Variants in SCARF1 observed in about 807,000 individuals in gnomAD.
The protein encoded by SCARF1 is acetyl LDL receptor.
In SCARF1, 49 loss-of-function variants were observed where a neutral mutation model predicts 76.3. The ratio of observed to expected loss-of-function variants is 0.64; its 90% CI spans 0.51 to 0.81. The LOEUF (loss-of-function observed/expected upper bound fraction) is 0.81. Among genes scored for constraint, SCARF1 ranks in the 40% least tolerant of loss-of-function variants. SCARF1 has a pLI of 0.00. For synonymous variants in SCARF1, 495 were observed against 474.6 expected (o/e 1.04, Z -0.56); for missense variants, 1,098 against 1,143.9 (o/e 0.96, Z 0.58).
intron 4 of SCARF1, among the ~76,000 whole-genome samples, chr17:1,643,050 G>C (rs1242879717): frequency 1.3e-5 from 2 of 152,056 alleles, no homozygotes; most frequent in African/African-American, 2.4e-5. Flanking sequence ...TTTGAGAGGA[G>C]CACCGCGAAG....
At chr17:1,639,600 T>C (rs1206542417) in intron 7 of SCARF1, 39 bp downstream of exon 7, 1 of 1,467,516 alleles carries the variant, frequency 6.8e-7, no homozygotes, top group African/African-American at 1.4e-5. Context: ...GGCCCGCCTT[T>C]CCCTGGCTAC....
rs1312246683 is a variant in SCARF1, at chr17:1,640,952, C to T, written c.792-286G>A. Among the ~76,000 whole-genome samples, 1 of 152,180 alleles carries T rather than the reference C, an allele frequency of 6.6e-6. No individual in the cohort carries two copies. The highest frequency in any genetic ancestry group is 1.5e-5 in the Non-Finnish European group (1 of 68,040). ...CAGCCCAGCCAGGGCAGGCGAGTCACCACCAAGCTCTGAGTCCCATTTGCG... is the reference window on the plus strand; with the variant it reads ...CAGCCCAGCCAGGGCAGGCGAGTCATCACCAAGCTCTGAGTCCCATTTGCG... On this transcript the variant is annotated intron_variant, in intron 4 of 10. Transcript: ENST00000263071. This position sits in a 1 kb window ranked among gnomAD's most constrained non-coding sequence, Gnocchi z 4.7.
intron 8 of SCARF1, 103 bp from the exon 9 acceptor site, chr17:1,637,165 TCAGTGGCTC>T: frequency 1.6e-6 from 2 of 1,223,054 alleles, no homozygotes; most frequent in Non-Finnish European, 2.3e-6. Flanking sequence ...TTCAGTGGCT[TCAGTGGCTC>T]TCTATTGACT....
chr17:1,644,816 C>A lies in SCARF1; in HGVS notation c.265+18G>T. ...ACCCAGCTCTGCCCAGCAACTTCATCTGGCCCTTGAGACTCACGGGAGCTG... is the reference window on the plus strand; with the variant it reads ...ACCCAGCTCTGCCCAGCAACTTCATATGGCCCTTGAGACTCACGGGAGCTG... On this transcript the variant is annotated intron_variant, in intron 3 of 10. Transcript: ENST00000263071. This position sits in a 1 kb window ranked among gnomAD's most constrained non-coding sequence, Gnocchi z 4.8. 3 of 1,606,980 alleles carry A rather than the reference C, an allele frequency of 1.9e-6. No homozygotes were observed. Among genetic ancestry groups the A allele is most frequent in the South Asian group, 1.1e-5 (1 of 90,086 alleles).
At position 1,635,314 on chromosome 17, in the gene SCARF1, G is replaced by C; in HGVS notation, c.1937C>G (p.Ser646Cys). The C allele has an allele frequency of 1.2e-6, 2 of 1,612,500 alleles. No homozygotes were observed. The highest frequency in any genetic ancestry group is 1.7e-6 in the Non-Finnish European group (2 of 1,179,390). ...CCCGGGACTGGCAGCCGCCGGAAAGGACTCGGGGGCTTCTGCTTCCTCTGG... is the reference window on the plus strand; with the variant it reads ...CCCGGGACTGGCAGCCGCCGGAAAGCACTCGGGGGCTTCTGCTTCCTCTGG... Reference protein sequence around the residue: ...TGPEEAEAPESFPAAASPGDS... With the variant: ...TGPEEAEAPECFPAAASPGDS... Residue 646 changes from serine (S) to cysteine (C), a missense_variant, in exon 11 of 11, where the codon TCC becomes TGC. Ser to Cys is a moderately radical substitution (Grantham distance 112). Coordinates refer to ENST00000263071, the MANE Select transcript of SCARF1 (RefSeq NM_003693.4).
rs367657383 is a variant in SCARF1 at position 1,645,587 on chromosome 17, C to G, written c.101+10G>C. On this transcript the variant is annotated intron_variant, in intron 1 of 10. Coordinates refer to ENST00000263071, the MANE Select transcript of SCARF1 (RefSeq NM_003693.4). This position sits in a 1 kb window ranked among gnomAD's most constrained non-coding sequence, Gnocchi z 6.3. The stretch of plus-strand genomic sequence containing the variant: ...GCTGGCCACACGCATCAGACTCCCA[C>G]GAGACCCACCTGCTGGCCACACAGA... 2.5e-6 allele frequency: 4 copies of G among 1,601,842 alleles called. No homozygotes were observed. Among genetic ancestry groups the G allele is most frequent in the Non-Finnish European group, 3.4e-6 (4 of 1,177,396 alleles).
chr17:1,644,710 G>A lies in SCARF1; in HGVS notation c.265+124C>T. ...TGTCTCTGGACCGCAATTCCTCAGTGAAGCTGGGGGGGATTCTGGCCCTGC... is the reference window on the plus strand; with the variant it reads ...TGTCTCTGGACCGCAATTCCTCAGTAAAGCTGGGGGGGATTCTGGCCCTGC... On this transcript the variant is annotated intron_variant, in intron 3 of 10. Transcript: ENST00000263071. This position sits in a 1 kb window ranked among gnomAD's most constrained non-coding sequence, Gnocchi z 4.8. 2.2e-6 allele frequency: 2 copies of A among 899,240 alleles called. No homozygotes were observed. Among genetic ancestry groups the A allele is most frequent in the Non-Finnish European group, 1.7e-6 (1 of 580,954 alleles). 55.7% of individuals were successfully genotyped at this position (899,240 alleles called of 1,614,324 possible).
Position 1,640,631 on chromosome 17 carries a change from G to C in SCARF1, c.827C>G (p.Pro276Arg), listed in dbSNP as rs1401141063. ...GRCKHNEPCS[P>R]DTGSCESCEP... Reference sequence around the variant, plus strand: ...GCAGGACTCACAGCTGCCTGTGTCTGGAGAGCACGGCTCATTGTGTTTGCA... The same window carrying C: ...GCAGGACTCACAGCTGCCTGTGTCTCGAGAGCACGGCTCATTGTGTTTGCA... The change falls in exon 5 of 11, where the codon CCA (proline) becomes CGA (arginine). Residue 276 changes from proline (P) to arginine (R), a missense_variant. Physicochemically the swap from Pro to Arg is moderately radical, Grantham distance 103. Coordinates refer to ENST00000263071, the MANE Select transcript of SCARF1 (RefSeq NM_003693.4). This position sits in a 1 kb window ranked among gnomAD's most constrained non-coding sequence, Gnocchi z 4.7. 8.7e-6 allele frequency: 14 copies of C among 1,612,682 alleles called. No homozygotes were observed. The highest frequency in any genetic ancestry group is 1.2e-5 in the Non-Finnish European group (14 of 1,179,712).
In SCARF1 at chr17:1,635,383, G is replaced by A. The variant is rs1909460931; in HGVS notation, c.1868C>T (p.Ala623Val). ...TTCCCGGCCCTCAGGACCCGACTGC[G>A]CCCCCCGGGAGAGCCTCTTGGGCTT... is the stretch of plus-strand genomic sequence containing the variant. ...LRKPKRLSRG[A>V]QSGPEGREAE... Residue 623 changes from alanine to valine, a missense_variant, in exon 11 of 11, where the codon GCG becomes GTG. Coordinates refer to ENST00000263071, the MANE Select transcript of SCARF1 (RefSeq NM_003693.4). The A allele has an allele frequency of 1.9e-6, 3 of 1,613,166 alleles. No individual in the cohort carries two copies. Among genetic ancestry groups the A allele is most frequent in the African/African-American group, 1.3e-5 (1 of 74,910 alleles).
chr17:1,641,019 T>C (rs1409518181), intron 4 of SCARF1, among the ~76,000 whole-genome samples: 2 of 152,142 alleles, frequency 1.3e-5, no homozygotes, highest in African/African-American at 4.8e-5. Flanking sequence ...CACTTTTCCT[T>C]TTTCCACACT....
intron 4 of SCARF1, among the ~76,000 whole-genome samples, chr17:1,643,069 C>T: frequency 6.6e-6 from 1 of 152,090 alleles, no homozygotes; most frequent in Admixed American, 6.5e-5. Context: ...AGCCCTGACC[C>T]CTCCTCCCGG....
Position 1,645,674 on chromosome 17 carries a change from C to CA in SCARF1, c.23_24insT (p.Leu9AlafsTer30), listed in dbSNP as rs781685184. ...TCCCCCGAGTCCAGAGCAGCAGCAG[C>CA]GGGAGCAGCAGCCCCAGCCCCATGG... On this transcript the variant is annotated frameshift_variant, in exon 1 of 11. Transcript: ENST00000263071. LOFTEE classifies it high-confidence loss of function. The surrounding 1 kb of genome is among the most constrained non-coding windows in gnomAD (Gnocchi z 6.3). 2.5e-6 allele frequency: 4 copies of CA among 1,607,026 alleles called. No individual in the cohort carries two copies. Among genetic ancestry groups the CA allele is most frequent in the African/African-American group, 1.3e-5 (1 of 74,818 alleles).
rs567581643 is a variant in SCARF1, at chr17:1,640,843, G to A, written c.792-177C>T. Among the ~76,000 whole-genome samples, 28 of 152,252 alleles carry A rather than the reference G, an allele frequency of 1.8e-4. No individual in the cohort carries two copies. The highest frequency in any genetic ancestry group is 6.7e-4 in the African/African-American group (28 of 41,540). On this transcript the variant is annotated intron_variant, in intron 4 of 10. Coordinates refer to ENST00000263071, the MANE Select transcript of SCARF1 (RefSeq NM_003693.4). The surrounding 1 kb of genome is among the most constrained non-coding windows in gnomAD (Gnocchi z 4.7). ...CGTTGTACAATGAGGACAAATGAGG[G>A]CTCTTACAGGATCCCATCCCTTTCC...
At position 1,634,711 on chromosome 17, in the gene SCARF1, GCA is replaced by G. The variant is rs747589985; in HGVS notation, c.*45_*46del. The G allele has an allele frequency of 1.8e-5, 27 of 1,531,224 alleles. No individual in the cohort carries two copies. Among genetic ancestry groups the G allele is most frequent in the South Asian group, 3.8e-5 (3 of 78,274 alleles). 94.9% of individuals were successfully genotyped at this position (1,531,224 alleles called of 1,614,324 possible). On this transcript the variant is annotated 3_prime_UTR_variant, in exon 11 of 11. Transcript: ENST00000263071. ...CCCCGGGATCATTTTCCAGCACACA[GCA>G]CAGTCTAGTCCATCCACTCTCCCCA...
chr17:1,643,636 G>A lies in SCARF1; in HGVS notation c.597C>T (p.Ser199=). 6.8e-7 allele frequency: 1 copy of A among 1,473,490 alleles called. No individual in the cohort carries two copies. Among genetic ancestry groups the A allele is most frequent in the Non-Finnish European group, 8.9e-7 (1 of 1,119,942 alleles). 91.3% of individuals were successfully genotyped at this position (1,473,490 alleles called of 1,614,324 possible). The part of the protein sequence containing the change: ...RCSFRCNCHG[S]PCEQDSGRCA... ...AGCGGCCGGAGTCCTGCTCGCACGG[G>A]GAGCCGTGGCAGTTGCAGCGGAAGC... The change falls in exon 4 of 11, where the codon TCC becomes TCT. Residue 199 remains serine, a synonymous_variant. Transcript: ENST00000263071.
At position 1,635,626 on chromosome 17, in the gene SCARF1, G is replaced by A. The variant is rs1909494003; in HGVS notation, c.1634-9C>T. 3.1e-6 allele frequency: 5 copies of A among 1,595,468 alleles called. No homozygotes were observed. The highest frequency in any genetic ancestry group is 4.2e-6 in the Non-Finnish European group (5 of 1,177,360). ...GGCCACAGGGACCATCCCTGGCAGA[G>A]GAGACAGAAGAGCTTGGCTGGAGCT... On this transcript the variant is annotated splice_polypyrimidine_tract_variant and intron_variant, in intron 10 of 10. Transcript: ENST00000263071.
At chr17:1,639,216 T>C (rs916588600) in intron 7 of SCARF1, among the ~76,000 whole-genome samples, 1 of 152,136 alleles carries the variant, frequency 6.6e-6, no homozygotes, top group Non-Finnish European at 1.5e-5. Flanking sequence ...GTATAAAGAA[T>C]GTCTCTGGGC....
Position 1,645,342 on chromosome 17 carries a change from C to T in SCARF1, c.102-103G>A. 1 of 1,475,380 alleles carries T rather than the reference C, an allele frequency of 6.8e-7. No individual in the cohort carries two copies. The allele number at this position is 1,475,380 out of a possible 1,614,324, so 91.4% of individuals were successfully genotyped here. On this transcript the variant is annotated intron_variant, in intron 1 of 10. Transcript: ENST00000263071. This position sits in a 1 kb window ranked among gnomAD's most constrained non-coding sequence, Gnocchi z 6.3. Reference sequence around the variant, plus strand: ...GCTGCAGTGGGGGAGGCTGCCTTAGCCCCCTGGGGAGGCCTAATGGATCTT... The same window carrying T: ...GCTGCAGTGGGGGAGGCTGCCTTAGTCCCCTGGGGAGGCCTAATGGATCTT...
In SCARF1 at chr17:1,643,810, G is replaced by A; in HGVS notation, c.423C>T (p.Cys141=). Residue 141 remains cysteine (C), a synonymous_variant, in exon 4 of 11, where the codon TGC becomes TGT. Transcript: ENST00000263071. ...AGTGGCACACGCCGGTCGCGGGGTC[G>A]CAGCGCCCGTGGGGGCCGCAGGCGC... ...FPCACGPHGR[C]DPATGVCHCE... is the part of the protein sequence containing the mutation. 1 of 1,266,778 alleles carries A rather than the reference G, an allele frequency of 7.9e-7. No homozygotes were observed. Among genetic ancestry groups the A allele is most frequent in the Non-Finnish European group, 9.9e-7 (1 of 1,009,368 alleles). The allele number at this position is 1,266,778 out of a possible 1,614,324, so 78.5% of individuals were successfully genotyped here. A position where few individuals can be genotyped will look rare whatever the true frequency, so the allele number is the denominator to read the frequency against.
Sources: allele counts gnomAD v4.1 joint callset (sites outside exome capture counted in the v4.1 genomes callset), GRCh38; gene constraint gnomAD v4.1.1; non-coding constraint Gnocchi (gnomAD v3.1); transcripts MANE v1.5; gene names NCBI Gene and HGNC (gene_info 2026-07-23, HGNC 2026-07-21).